Variants in TOM1L1 observed in about 807,000 individuals in gnomAD.
TOM1L1 encodes target of myb1 like 1 membrane trafficking protein, also known as TOM1-like protein 1.
Under a neutral mutation model 63.4 loss-of-function variants are expected in TOM1L1, and 64 were observed. The ratio of observed to expected loss-of-function variants is 1.01; its 90% CI spans 0.83 to 1.24. TOM1L1 has a LOEUF of 1.24. Among genes scored for constraint, TOM1L1 ranks in the 50% most tolerant of loss-of-function variants. TOM1L1 has a pLI of 0.00. For missense variants in TOM1L1, 536 were observed against 567.0 expected, an observed-to-expected ratio of 0.95 and a Z score of 0.55; for synonymous variants, 166 against 194.4, an observed-to-expected ratio of 0.85 and a Z score of 1.22.
intron 7 of TOM1L1, among the ~76,000 whole-genome samples, chr17:54,918,288 A>C (rs897255226): frequency 6.6e-6 from 1 of 152,184 alleles, no homozygotes; most frequent in African/African-American, 2.4e-5. Context: ...AAAAATAATA[A>C]AAACAAACAA....
At chr17:54,903,360 C>T (rs2048358255) in intron 1 of TOM1L1, among the ~76,000 whole-genome samples, 1 of 152,256 alleles carries the variant, frequency 6.6e-6, no homozygotes, top group Non-Finnish European at 1.5e-5. Context: ...TGATAAAATA[C>T]TTAGCACTAT....
chr17:54,908,788 T>C (rs75270750), intron 3 of TOM1L1, among the ~76,000 whole-genome samples: 119 of 152,360 alleles, frequency 7.8e-4, no homozygotes, highest in East Asian at 2.9e-3. Context: ...GAGGCTACTA[T>C]TATTGTCAAA....
chr17:54,951,526 G>A (rs905017580), intron 14 of TOM1L1, among the ~76,000 whole-genome samples: 4 of 152,320 alleles, frequency 2.6e-5, no homozygotes, highest in East Asian at 3.9e-4. Flanking sequence ...AGAGAAGGTC[G>A]AGAGATTCTG....
chr17:54,945,708 T>C (rs2049108001), intron 11 of TOM1L1, among the ~76,000 whole-genome samples: 1 of 152,180 alleles, frequency 6.6e-6, no homozygotes, highest in East Asian at 1.9e-4. Flanking sequence ...AGTTTTTAGT[T>C]CTGAAATTTC....
At chr17:54,934,864 C>T (rs2048921530) in intron 8 of TOM1L1, among the ~76,000 whole-genome samples, 1 of 152,028 alleles carries the variant, frequency 6.6e-6, no homozygotes, top group African/African-American at 2.4e-5. Context: ...ATTAGAGACA[C>T]ATGCCACCAC....
intron 14 of TOM1L1, chr17:54,952,325 GC>G (rs1357180397): frequency 6.6e-6 from 1 of 151,962 alleles, no homozygotes; most frequent in South Asian, 2.1e-4. Flanking sequence ...AGGCCAAGGC[GC>G]GCAGATCACC....
chr17:54,914,202 G>GT (rs1278697932), intron 5 of TOM1L1, among the ~76,000 whole-genome samples: 1 of 152,040 alleles, frequency 6.6e-6, no homozygotes, highest in Non-Finnish European at 1.5e-5. Flanking sequence ...TCCACCCAAG[G>GT]TTGGAGATGT....
At chr17:54,941,158 A>C (rs759978453) in intron 11 of TOM1L1, among the ~76,000 whole-genome samples, 2 of 152,192 alleles carry the variant, frequency 1.3e-5, no homozygotes, top group Admixed American at 6.5e-5. Flanking sequence ...GCAGCATACT[A>C]TCACTGTGTT....
intron 11 of TOM1L1, among the ~76,000 whole-genome samples, chr17:54,943,908 C>T (rs922349615): frequency 1.3e-5 from 2 of 151,596 alleles, no homozygotes; most frequent in African/African-American, 2.4e-5. Flanking sequence ...ACCCGGGAGG[C>T]GGAGGTTGCA....
rs1555610420 is a variant in TOM1L1 at position 54,931,956 on chromosome 17, T to TGTTTG, written c.854+1750_854+1751insGTTTG. 1.6e-4 allele frequency among the ~76,000 whole-genome samples: 21 copies of TGTTTG among 130,232 alleles called. 1 individual carries two copies. The highest frequency in any genetic ancestry group is 6.4e-4 in the African/African-American group (21 of 32,834). 85.4% of individuals were successfully genotyped at this position (130,232 alleles called of 152,430 possible). ...TCTTTTTCTTTTTTCTTCGTTTTTT[T>TGTTTG]TTTGTTTGTTTGTTTGTTTGTTTTT... On this transcript the variant is annotated intron_variant, in intron 8 of 15. Coordinates refer to ENST00000575882, the MANE Select transcript of TOM1L1 (RefSeq NM_005486.3).
At chr17:54,902,945 G>A (rs562859665) in intron 1 of TOM1L1, among the ~76,000 whole-genome samples, 1 of 152,280 alleles carries the variant, frequency 6.6e-6, no homozygotes, top group East Asian at 1.9e-4. Context: ...GTTATCCAGC[G>A]CCAGTTTGAA....
chr17:54,930,317 A>T, intron 8 of TOM1L1, 111 bp downstream of exon 8: 1 of 1,462,060 alleles, frequency 6.8e-7, no homozygotes, highest in African/African-American at 1.4e-5. Context: ...TAGATTCTCC[A>T]TTCTCAATAG....
At chr17:54,917,693 G>A (rs1270728160) in intron 7 of TOM1L1, among the ~76,000 whole-genome samples, 1 of 152,090 alleles carries the variant, frequency 6.6e-6, no homozygotes, top group East Asian at 1.9e-4. Flanking sequence ...CTGATAGTGA[G>A]CTCATTTTTG....
At chr17:54,902,510 G>A (rs764714508) in intron 1 of TOM1L1, among the ~76,000 whole-genome samples, 2 of 152,192 alleles carry the variant, frequency 1.3e-5, no homozygotes, top group South Asian at 2.1e-4. Context: ...GGCTGGTCTC[G>A]ACCTCCTGAC....
In TOM1L1 at chr17:54,931,542, G is replaced by A. The variant is rs571839418; in HGVS notation, c.854+1336G>A. 6.6e-5 allele frequency among the ~76,000 whole-genome samples: 10 copies of A among 152,264 alleles called. No homozygotes were observed. The South Asian group carries it at 1.2e-3, about 19-fold the overall frequency. On this transcript the variant is annotated intron_variant, in intron 8 of 15. Coordinates refer to ENST00000575882, the MANE Select transcript of TOM1L1 (RefSeq NM_005486.3). ...GGGCCAAGAATGGTGGTGCACACCT[G>A]TAATCCCAGCACCTTGGGAGGCTGA...
At chr17:54,908,117 C>T (rs1476417279) in intron 3 of TOM1L1, among the ~76,000 whole-genome samples, 1 of 152,170 alleles carries the variant, frequency 6.6e-6, no homozygotes, top group Non-Finnish European at 1.5e-5. Flanking sequence ...ATCTGTAGCT[C>T]CCTTACCTCG....
intron 8 of TOM1L1, 156 bp from the exon 9 acceptor site, chr17:54,936,493 C>G (rs996890441): frequency 1.6e-6 from 1 of 615,368 alleles, no homozygotes; most frequent in Non-Finnish European, 2.7e-6. Flanking sequence ...ACTCTGTAAG[C>G]TGGAAAAAGG....
chr17:54,961,458 C>T lies in TOM1L1; in HGVS notation c.*225C>T. On this transcript the variant is annotated 3_prime_UTR_variant, in exon 16 of 16. Coordinates refer to ENST00000575882, the MANE Select transcript of TOM1L1 (RefSeq NM_005486.3). Reference sequence around the variant, plus strand: ...ACAGAACTTGTTTGGAACAAATACTCACTTAAAACTTCAGCAGAAGAAAAA... The same window carrying T: ...ACAGAACTTGTTTGGAACAAATACTTACTTAAAACTTCAGCAGAAGAAAAA... The T allele has an allele frequency of 6.8e-7, 1 of 1,467,378 alleles. No homozygotes were observed. 90.9% of individuals were successfully genotyped at this position (1,467,378 alleles called of 1,614,324 possible). A position where few individuals can be genotyped will look rare whatever the true frequency, so the allele number is the denominator to read the frequency against.
At chr17:54,937,284 T>C in intron 10 of TOM1L1, 58 bp downstream of exon 10, 1 of 1,315,332 alleles carries the variant, frequency 7.6e-7, no homozygotes, top group Non-Finnish European at 1.1e-6. Context: ...TAAACAGTTC[T>C]CCTTAATTAC....
Sources: allele counts gnomAD v4.1 joint callset (sites outside exome capture counted in the v4.1 genomes callset), GRCh38; gene constraint gnomAD v4.1.1; transcripts MANE v1.5; gene names NCBI Gene and HGNC (gene_info 2026-07-23, HGNC 2026-07-21).